Variants in NEBL observed in about 807,000 individuals in gnomAD.
NEBL encodes the protein nebulette, also known as LIM and SH3 protein 2.
A neutral mutation model predicts 140.2 loss-of-function variants in NEBL; 122 were observed. The ratio of observed to expected loss-of-function variants is 0.87; its 90% CI spans 0.75 to 1.01. The LOEUF is 1.01. Ranked by LOEUF, NEBL falls within the 50% of genes least tolerant of loss-of-function variation. The pLI is 0.00. For missense variants in NEBL, 1,365 were observed against 1,231.3 expected (o/e 1.11, Z -1.62); for synonymous variants, 436 against 398.9 (o/e 1.09, Z -1.11).
intron 19 of NEBL, 58 bp downstream of exon 19, chr10:20,823,150 G>C (rs1839514149): frequency 7.9e-7 from 1 of 1,266,026 alleles, no homozygotes; most frequent in Non-Finnish European, 1.1e-6. Context: ...GTTTTATGCT[G>C]TCATTACGTG....
At chr10:21,292,742 G>A (rs1843162178) in intron 1 of NEBL, among the ~76,000 whole-genome samples, 1 of 152,176 alleles carries the variant, frequency 6.6e-6, no homozygotes, top group East Asian at 1.9e-4. Context: ...TGAAAGGAAA[G>A]CTCATCAGCA....
rs553036699 is a variant in NEBL, at chr10:21,097,226, G to T, written c.164+75157C>A. Reference sequence around the variant, plus strand: ...CCAGCACTTTGGGAGGTCCGGGGGGGGGGTGGGGCAGATCACAAGGTCAGG... The same window carrying T: ...CCAGCACTTTGGGAGGTCCGGGGGGTGGGTGGGGCAGATCACAAGGTCAGG... On this transcript the variant is annotated intron_variant, in intron 2 of 6. Transcript: ENST00000417816. 2.8e-4 allele frequency among the ~76,000 whole-genome samples: 42 copies of T among 148,898 alleles called. 2 individuals carry two copies. Among genetic ancestry groups the T allele is most frequent in the East Asian group, 1.0e-3 (5 of 4,904 alleles).
intron 3 of NEBL, among the ~76,000 whole-genome samples, chr10:20,979,070 GA>G (rs367935230): frequency 0.039 from 5,932 of 150,314 alleles, 165 homozygotes; most frequent in African/African-American, 0.083. Flanking sequence ...AATATTAGAT[GA>G]AAAAAAAAGC....
chr10:21,113,016 TC>T (rs752362612), intron 2 of NEBL: 73 of 236,772 alleles, frequency 3.1e-4, no homozygotes, highest in Non-Finnish European at 4.3e-4. Context: ...TTGCTGCCAC[TC>T]CTGAAGAAGA....
intron 3 of NEBL, among the ~76,000 whole-genome samples, chr10:21,243,443 A>AT (rs1219377738): frequency 3.3e-5 from 5 of 151,492 alleles, no homozygotes; most frequent in Non-Finnish European, 7.4e-5. Flanking sequence ...AGTAGCTGGG[A>AT]TTACAGGTGC....
At chr10:20,900,011 T>A (rs577592797), upstream of NEBL, among the ~76,000 whole-genome samples, 378 of 152,342 alleles carry the variant, frequency 2.5e-3, 2 homozygotes, top group Non-Finnish European at 4.2e-3. Context: ...CTCTAAAATA[T>A]GACATGGAGA....
At chr10:21,238,058 G>A (rs1171631900) in intron 3 of NEBL, among the ~76,000 whole-genome samples, 1 of 152,204 alleles carries the variant, frequency 6.6e-6, no homozygotes, top group African/African-American at 2.4e-5. Flanking sequence ...AACACGGAGA[G>A]CTCTTAATAA....
At chr10:21,097,220 G>C (rs942253918) in intron 2 of NEBL, among the ~76,000 whole-genome samples, 2 of 35,478 alleles carry the variant, frequency 5.6e-5, no homozygotes, top group South Asian at 1.4e-3. Context: ...TGGGAGGTCC[G>C]GGGGGGGGGT....
chr10:21,234,008 G>GAGAA, intron 3 of NEBL, among the ~76,000 whole-genome samples: 1 of 139,566 alleles, frequency 7.2e-6, no homozygotes, highest in African/African-American at 2.7e-5. Context: ...AGGAGATTGT[G>GAGAA]AGATAGATAG....
chr10:21,029,632 C>T lies in NEBL; in HGVS notation c.165-9431G>A. 2.0e-5 allele frequency: 29 copies of T among 1,433,634 alleles called. No individual in the cohort carries two copies. The South Asian group carries it at 3.1e-4, about 15-fold the overall frequency. 88.8% of individuals were successfully genotyped at this position (1,433,634 alleles called of 1,614,324 possible). On this transcript the variant is annotated intron_variant, in intron 2 of 6. Coordinates refer to the NEBL transcript ENST00000417816. ...TGCCACAGACAGCTTTGATGACTAC[C>T]CGCCTAGAAGGGGTGATGATAGGTT...
chr10:20,943,966 C>T (rs1835030943), intron 4 of NEBL, among the ~76,000 whole-genome samples: 4 of 152,194 alleles, frequency 2.6e-5, no homozygotes, highest in Non-Finnish European at 5.9e-5. Context: ...TGTCTACGGT[C>T]TAGTCTCTGG....
chr10:21,073,344 C>T (rs1484012882), intron 2 of NEBL, among the ~76,000 whole-genome samples: 2 of 150,676 alleles, frequency 1.3e-5, no homozygotes, highest in East Asian at 1.9e-4. Flanking sequence ...AAGCCAGACA[C>T]GGTGGCTCAT....
intron 2 of NEBL, among the ~76,000 whole-genome samples, chr10:21,076,652 T>C (rs1836108530): frequency 1.3e-5 from 2 of 152,052 alleles, no homozygotes; most frequent in South Asian, 2.1e-4. Context: ...GAATGTGATA[T>C]ACACATATGA....
chr10:20,950,316 T>C (rs981768590), intron 4 of NEBL, among the ~76,000 whole-genome samples: 1 of 152,266 alleles, frequency 6.6e-6, no homozygotes, highest in African/African-American at 2.4e-5. Context: ...TTTGGATTTA[T>C]AGATGCCCAA....
chr10:20,901,826 A>G (rs1206177211), upstream of NEBL, among the ~76,000 whole-genome samples: 1 of 152,068 alleles, frequency 6.6e-6, no homozygotes, highest in Non-Finnish European at 1.5e-5. Flanking sequence ...TGCCTCACCT[A>G]TTTACTCAGT....
intron 1 of NEBL, among the ~76,000 whole-genome samples, chr10:21,291,131 A>G (rs771727725): frequency 6.6e-6 from 1 of 151,730 alleles, no homozygotes; most frequent in Non-Finnish European, 1.5e-5. Flanking sequence ...AGTAGATCCC[A>G]CTGGCACCTA....
intron 4 of NEBL, among the ~76,000 whole-genome samples, chr10:20,902,526 A>C (rs11012379): frequency 0.11 from 16,240 of 152,212 alleles, 1,008 homozygotes; most frequent in Admixed American, 0.16. Context: ...GTGAAAAACA[A>C]GAAACTGGAA....
intron 12 of NEBL, among the ~76,000 whole-genome samples, 166 bp from the exon 13 acceptor site, chr10:20,841,015 C>T (rs887472953): frequency 6.6e-6 from 1 of 151,982 alleles, no homozygotes; most frequent in Non-Finnish European, 1.5e-5. Context: ...CTTCATTTTC[C>T]CCTCTACCAA....
intron 26 of NEBL, among the ~76,000 whole-genome samples, chr10:20,795,461 A>G (rs1176546670): frequency 6.6e-6 from 1 of 152,224 alleles, no homozygotes; most frequent in Non-Finnish European, 1.5e-5. Flanking sequence ...GCAAACTCAA[A>G]TAAAGTAGCA....
Sources: gnomAD v4.1 joint callset for allele counts (sites outside exome capture counted in the v4.1 genomes callset) on GRCh38, gnomAD v4.1.1 for gene constraint, MANE v1.5 for transcripts, NCBI Gene and HGNC (gene_info 2026-07-23, HGNC 2026-07-21) for gene names.